The following SPHKAP variants were observed in gnomAD, a reference collection of about 807,000 sequenced individuals.
SPHKAP encodes the protein A-kinase anchor protein SPHKAP.
In SPHKAP, 67 loss-of-function variants were observed where a neutral mutation model predicts 137.5. The ratio of observed to expected loss-of-function variants is 0.49; its 90% confidence interval spans 0.40 to 0.60. The LOEUF (loss-of-function observed/expected upper bound fraction) is 0.60, where lower values mean the gene tolerates loss of function less well. Among genes scored for constraint, SPHKAP ranks in the 20% least tolerant of loss-of-function variants. The pLI is 0.00. For synonymous variants in SPHKAP, 813 were observed against 785.3 expected (o/e 1.04, Z -0.59); for missense variants, 2,097 against 2,069.3 (o/e 1.01, Z -0.26).
chr2:228,125,220 C>A (rs1002648315), intron 2 of SPHKAP, among the ~76,000 whole-genome samples: 7 of 152,136 alleles, frequency 4.6e-5, no homozygotes, highest in Non-Finnish European at 1.0e-4. Flanking sequence ...AATAGCAAAC[C>A]TTCAGTCTAA....
chr2:228,085,970 C>A (rs1427817020), intron 3 of SPHKAP, among the ~76,000 whole-genome samples: 1 of 152,146 alleles, frequency 6.6e-6, no homozygotes, highest in Non-Finnish European at 1.5e-5. Flanking sequence ...TATTACACTA[C>A]CTCTAACAGA....
intron 3 of SPHKAP, among the ~76,000 whole-genome samples, chr2:228,094,499 T>G (rs1367849956): frequency 3.9e-5 from 6 of 152,344 alleles, no homozygotes; most frequent in Middle Eastern, 3.4e-3. Flanking sequence ...TGCAAATACA[T>G]TCACCAGTTG....
chr2:228,093,581 C>G (rs1697878552), intron 3 of SPHKAP, among the ~76,000 whole-genome samples: 1 of 151,872 alleles, frequency 6.6e-6, no homozygotes, highest in African/African-American at 2.4e-5. Flanking sequence ...AGAAAATAGC[C>G]AGGTGTAGTG....
chr2:228,051,303 C>A (rs1046405722), intron 3 of SPHKAP, among the ~76,000 whole-genome samples: 5 of 152,090 alleles, frequency 3.3e-5, no homozygotes, highest in Non-Finnish European at 5.9e-5. Context: ...ACTTATTGTT[C>A]ATTCAATATT....
chr2:228,078,559 C>A (rs1367214119), intron 3 of SPHKAP, among the ~76,000 whole-genome samples: 1 of 152,052 alleles, frequency 6.6e-6, no homozygotes, highest in Non-Finnish European at 1.5e-5. Context: ...GAGATGCCAA[C>A]AAGATGGTGG....
chr2:228,175,698 G>A lies in SPHKAP; in HGVS notation c.32+5869C>T, dbSNP rs139723808. Among the ~76,000 whole-genome samples, 548 of 152,090 alleles carry A rather than the reference G, an allele frequency of 3.6e-3. 3 individuals are homozygous for A. The highest frequency in any genetic ancestry group is 0.012 in the South Asian group (58 of 4,824). On this transcript the variant is annotated intron_variant, in intron 1 of 11. Transcript: ENST00000392056. Reference sequence around the variant, plus strand: ...ATCCCTATCTACAATCTTAACAAATGCGAATGGTCTTAACACATCAATTAA... The same window carrying A: ...ATCCCTATCTACAATCTTAACAAATACGAATGGTCTTAACACATCAATTAA...
intron 1 of SPHKAP, among the ~76,000 whole-genome samples, chr2:228,134,941 G>C (rs1699387041): frequency 1.3e-5 from 2 of 152,094 alleles, no homozygotes; most frequent in African/African-American, 4.8e-5. Context: ...GGCTGACACA[G>C]ACCTCAGGCC....
At chr2:228,159,046 A>T (rs985867672) in intron 1 of SPHKAP, among the ~76,000 whole-genome samples, 1 of 152,154 alleles carries the variant, frequency 6.6e-6, no homozygotes, top group African/African-American at 2.4e-5. Flanking sequence ...GAAGTAATTT[A>T]CCAATGGGCG....
rs138127618 is a variant in SPHKAP, at chr2:228,028,201, C to T, written c.247-658G>A. 4.2e-3 allele frequency among the ~76,000 whole-genome samples: 633 copies of T among 152,168 alleles called. 3 individuals carry two copies. The highest frequency in any genetic ancestry group is 0.015 in the African/African-American group (610 of 41,542). ...GAAATAGGAAAAATAACTTTTTATG[C>T]TCTAAGCCTCTGTTTGTAATTGCAA... On this transcript the variant is annotated intron_variant, in intron 3 of 11. Coordinates refer to ENST00000392056, the MANE Select transcript of SPHKAP (RefSeq NM_001142644.2).
intron 4 of SPHKAP, chr2:228,025,731 CTT>C (rs1047070807): frequency 1.5e-6 from 1 of 666,444 alleles, no homozygotes; most frequent in Non-Finnish European, 1.9e-6. Flanking sequence ...TTCAAAAACT[CTT>C]TAGTTCTACA....
intron 2 of SPHKAP, among the ~76,000 whole-genome samples, chr2:228,128,845 G>C (rs112991525): frequency 4.2e-4 from 64 of 152,200 alleles, no homozygotes; most frequent in African/African-American, 1.4e-3. Flanking sequence ...TGAGCAGTAG[G>C]CTTCAAAAGG....
In SPHKAP at chr2:228,027,495, G is replaced by T; in HGVS notation, c.295C>A (p.His99Asn). 1 of 1,613,954 alleles carries T rather than the reference G, an allele frequency of 6.2e-7. No homozygotes were observed. The highest frequency in any genetic ancestry group is 1.1e-5 in the South Asian group (1 of 91,080). ...DVNKDECSTEHLQQKLVNVSP... is the reference protein window; with the variant it reads ...DVNKDECSTENLQQKLVNVSP... ...GTTTCAAATGTTACCTGTTGCAGGT[G>T]CTCTGTGCTGCATTCATCCTTGTTC... The change falls in exon 4 of 12, where the codon CAC (histidine) becomes AAC (asparagine). Residue 99 changes from histidine (H) to asparagine (N), a missense_variant. By Grantham distance (68) the His-to-Asn change is moderately conservative. Coordinates refer to ENST00000392056, the MANE Select transcript of SPHKAP (RefSeq NM_001142644.2).
intron 2 of SPHKAP, among the ~76,000 whole-genome samples, chr2:228,111,365 ATGTGAAACAC>A (rs1457382224): frequency 6.6e-6 from 1 of 152,142 alleles, no homozygotes; most frequent in African/African-American, 2.4e-5. Flanking sequence ...GAGATGATAT[ATGTGAAACAC>A]TGTGCCATGG....
intron 3 of SPHKAP, among the ~76,000 whole-genome samples, chr2:228,108,398 T>C (rs190204376): frequency 9.1e-4 from 136 of 149,914 alleles, no homozygotes; most frequent in African/African-American, 3.2e-3. Context: ...GGTTGAAAAG[T>C]TTTTTTCAAG....
At chr2:228,069,833 G>A (rs1188817193) in intron 3 of SPHKAP, among the ~76,000 whole-genome samples, 2 of 152,210 alleles carry the variant, frequency 1.3e-5, no homozygotes, top group Non-Finnish European at 2.9e-5. Flanking sequence ...GGAAGACTCT[G>A]ATTAGGTCCT....
chr2:228,123,218 T>G (rs538628954), intron 2 of SPHKAP, among the ~76,000 whole-genome samples: 2 of 152,318 alleles, frequency 1.3e-5, no homozygotes, highest in Middle Eastern at 3.4e-3. Flanking sequence ...AGGATAATTC[T>G]CTATTTTTTT....
At chr2:228,149,252 T>G (rs1699860624) in intron 1 of SPHKAP, among the ~76,000 whole-genome samples, 1 of 152,220 alleles carries the variant, frequency 6.6e-6, no homozygotes, top group East Asian at 1.9e-4. Flanking sequence ...TAAGGCATGC[T>G]CTAGTTCTTT....
chr2:228,099,212 G>A (rs1441810830), intron 3 of SPHKAP, among the ~76,000 whole-genome samples: 1 of 152,088 alleles, frequency 6.6e-6, no homozygotes, highest in Non-Finnish European at 1.5e-5. Flanking sequence ...TTGTATATAT[G>A]GTAAAACGTA....
intron 3 of SPHKAP, among the ~76,000 whole-genome samples, chr2:228,064,915 G>T (rs1319154527): frequency 6.6e-6 from 1 of 152,142 alleles, no homozygotes; most frequent in Non-Finnish European, 1.5e-5. Context: ...TTATTATCAG[G>T]GTCATTTCTC....
Sources: allele counts gnomAD v4.1 joint callset (sites outside exome capture counted in the v4.1 genomes callset), GRCh38; gene constraint gnomAD v4.1.1; transcripts MANE v1.5; gene names NCBI Gene and HGNC (gene_info 2026-07-23, HGNC 2026-07-21).